Variants in ASIC2 observed in about 807,000 individuals in gnomAD.
The protein encoded by ASIC2 is acid sensing ion channel subunit 2.
ASIC2 carries 25 observed loss-of-function variants against 57.3 expected under a neutral mutation model. The ratio of observed to expected loss-of-function variants is 0.44; its 90% CI spans 0.32 to 0.61. ASIC2 has a LOEUF of 0.61. Ranked by LOEUF, ASIC2 falls within the 20% of genes least tolerant of loss-of-function variation. The pLI is 0.06. For missense variants in ASIC2, 641 were observed against 738.1 expected (o/e 0.87, Z 1.52); for synonymous variants, 319 against 307.5 (o/e 1.04, Z -0.39).
intron 1 of ASIC2, among the ~76,000 whole-genome samples, chr17:33,251,084 T>C (rs1048256647): frequency 6.6e-6 from 1 of 152,334 alleles, no homozygotes; most frequent in African/African-American, 2.4e-5. Context: ...TTAGTATTTG[T>C]AGTAAATTAA....
chr17:33,293,354 C>A (rs1352275966), upstream of ASIC2, among the ~76,000 whole-genome samples: 1 of 152,124 alleles, frequency 6.6e-6, no homozygotes, highest in Non-Finnish European at 1.5e-5. Flanking sequence ...GCGGTGCTGA[C>A]GCGCCCGGCT....
intron 1 of ASIC2, among the ~76,000 whole-genome samples, chr17:33,973,710 TAAGCCACAGCCCATCGTTTACAC>T (rs1169832147): frequency 6.6e-6 from 1 of 152,134 alleles, no homozygotes; most frequent in Non-Finnish European, 1.5e-5. Context: ...CCATGGGACA[TAAGCCACAGCCCATCGTTTACAC>T]ACAGGCTTAT....
chr17:33,569,295 C>T (rs1916352453), intron 1 of ASIC2: 2 of 152,286 alleles, frequency 1.3e-5, no homozygotes, highest in Non-Finnish European at 2.9e-5. Context: ...AGTCCCCTGT[C>T]GTGTAGCCTT....
At chr17:33,453,284 GAAAAAAA>G (rs3057620) in intron 1 of ASIC2, among the ~76,000 whole-genome samples, 1 of 129,644 alleles carries the variant, frequency 7.7e-6, no homozygotes, top group Non-Finnish European at 1.6e-5. Flanking sequence ...CAAAGCAGGT[GAAAAAAA>G]AAAAAAAAAA....
chr17:33,722,905 A>G (rs139333005), intron 1 of ASIC2, among the ~76,000 whole-genome samples: 95 of 152,350 alleles, frequency 6.2e-4, no homozygotes, highest in Non-Finnish European at 1.3e-3. Context: ...AAGAATGGTT[A>G]AAAAGGCTGA....
chr17:33,238,031 C>T (rs569408965), intron 1 of ASIC2, among the ~76,000 whole-genome samples: 1 of 152,314 alleles, frequency 6.6e-6, no homozygotes, highest in East Asian at 1.9e-4. Flanking sequence ...AGGATTCAAA[C>T]CCGGTAGGCC....
chr17:33,255,548 C>T (rs965870786), intron 1 of ASIC2, among the ~76,000 whole-genome samples: 7 of 143,650 alleles, frequency 4.9e-5, no homozygotes, highest in African/African-American at 7.9e-5. Flanking sequence ...TGGAAATGTT[C>T]GCATCAGGCT....
chr17:33,830,153 G>A (rs1913059683), intron 1 of ASIC2, among the ~76,000 whole-genome samples: 2 of 152,074 alleles, frequency 1.3e-5, no homozygotes, highest in Non-Finnish European at 2.9e-5. Context: ...GGCTTCCTCA[G>A]ATTTTTTTTT....
chr17:33,222,114 T>C (rs1463888334), intron 1 of ASIC2, among the ~76,000 whole-genome samples: 1 of 152,178 alleles, frequency 6.6e-6, no homozygotes, highest in Non-Finnish European at 1.5e-5. Flanking sequence ...AAAGGGAACA[T>C]AGTGACTGGG....
intron 1 of ASIC2, among the ~76,000 whole-genome samples, chr17:34,125,971 C>T (rs959447667): frequency 6.6e-6 from 1 of 152,222 alleles, no homozygotes; most frequent in East Asian, 1.9e-4. Flanking sequence ...GGCTATCCCA[C>T]ATGTCACAGC....
intron 1 of ASIC2, among the ~76,000 whole-genome samples, chr17:33,200,733 T>G (rs1468992021): frequency 6.6e-6 from 1 of 152,188 alleles, no homozygotes; most frequent in Non-Finnish European, 1.5e-5. Flanking sequence ...GCTTCCACCC[T>G]TGCCCCCTGC....
chr17:33,349,446 A>G (rs1908075347), intron 1 of ASIC2, among the ~76,000 whole-genome samples: 1 of 152,120 alleles, frequency 6.6e-6, no homozygotes, highest in African/African-American at 2.4e-5. Context: ...AGAGGTCACC[A>G]TTCGTAAGGC....
Position 33,799,450 on chromosome 17 carries a change from CT to C in ASIC2, c.555+356527del, listed in dbSNP as rs1170241979. On this transcript the variant is annotated intron_variant, in intron 1 of 9. Transcript: ENST00000359872. Reference sequence around the variant, plus strand: ...TTCTTCTTTCTTTCTTTCTTTCTTTCTTTCTTTCTTTCTTTCTTTCTTTCTT... The same window carrying C: ...TTCTTCTTTCTTTCTTTCTTTCTTTCTTCTTTCTTTCTTTCTTTCTTTCTT... 4.9e-3 allele frequency among the ~76,000 whole-genome samples: 393 copies of C among 80,768 alleles called. 2 individuals are homozygous for C. The highest frequency in any genetic ancestry group is 0.019 in the East Asian group (73 of 3,920). 53.0% of individuals were successfully genotyped at this position (80,768 alleles called of 152,430 possible). A position where few individuals can be genotyped will look rare whatever the true frequency, so the allele number is the denominator to read the frequency against.
At chr17:33,795,936 G>A (rs1911902727) in intron 1 of ASIC2, among the ~76,000 whole-genome samples, 1 of 152,198 alleles carries the variant, frequency 6.6e-6, no homozygotes, top group Admixed American at 6.5e-5. Flanking sequence ...TGAGCACATG[G>A]CAGAAATTCA....
chr17:33,178,479 C>G (rs1482366721), intron 1 of ASIC2, among the ~76,000 whole-genome samples: 1 of 152,178 alleles, frequency 6.6e-6, no homozygotes, highest in African/African-American at 2.4e-5. Flanking sequence ...ATTTGTCATG[C>G]ACAGTGCTAG....
intron 1 of ASIC2, among the ~76,000 whole-genome samples, chr17:33,868,244 G>A (rs1188065680): frequency 6.6e-6 from 1 of 151,814 alleles, no homozygotes; most frequent in Non-Finnish European, 1.5e-5. Context: ...AAATATTTCA[G>A]ACTTACAAGT....
At chr17:33,204,301 G>A (rs1906981678) in intron 1 of ASIC2, among the ~76,000 whole-genome samples, 1 of 152,180 alleles carries the variant, frequency 6.6e-6, no homozygotes, top group Non-Finnish European at 1.5e-5. Context: ...CTACGTTCTT[G>A]TTACCTGCAG....
intron 3 of ASIC2, among the ~76,000 whole-genome samples, chr17:33,087,963 T>C (rs1337239598): frequency 6.6e-6 from 1 of 152,158 alleles, no homozygotes; most frequent in Non-Finnish European, 1.5e-5. Flanking sequence ...AAAAGCAAGC[T>C]GAGCTCATCC....
intron 1 of ASIC2, among the ~76,000 whole-genome samples, chr17:33,825,440 A>T (rs1912876947): frequency 6.6e-6 from 1 of 152,200 alleles, no homozygotes; most frequent in Non-Finnish European, 1.5e-5. Flanking sequence ...TCATCATTCC[A>T]TTCCTAACAG....
Sources: gnomAD v4.1 joint callset for allele counts (sites outside exome capture counted in the v4.1 genomes callset) on GRCh38, gnomAD v4.1.1 for gene constraint, MANE v1.5 for transcripts, NCBI Gene and HGNC (gene_info 2026-07-23, HGNC 2026-07-21) for gene names.